GAS2: variants seen among roughly 807,000 people sequenced by gnomAD.
GAS2 encodes growth arrest-specific protein 2.
Under a neutral mutation model 37.5 loss-of-function variants are expected in GAS2, and 20 were observed. The observed-to-expected ratio is 0.53, with a 90% CI of 0.37 to 0.77. The LOEUF (loss-of-function observed/expected upper bound fraction) is 0.77. Among genes scored for constraint, GAS2 ranks in the 30% least tolerant of loss-of-function variants. The pLI is 0.00. For missense variants in GAS2, 336 were observed against 373.4 expected, an observed-to-expected ratio of 0.90 and a Z score of 0.82; for synonymous variants, 144 against 132.2, an observed-to-expected ratio of 1.09 and a Z score of -0.61.
At chr11:22,682,418 T>G (rs1049839662) in intron 2 of GAS2, among the ~76,000 whole-genome samples, 1 of 152,162 alleles carries the variant, frequency 6.6e-6, no homozygotes, top group African/African-American at 2.4e-5. Flanking sequence ...CATAAAGATC[T>G]ATTACAAACG....
intron 7 of GAS2, among the ~76,000 whole-genome samples, chr11:22,789,392 G>A (rs1191569531): frequency 4.4e-5 from 1 of 22,974 alleles, no homozygotes; most frequent in South Asian, 2.9e-3. Context: ...ACATATATAT[G>A]TGTGTGTGTG....
At chr11:22,787,938 A>AT (rs751376446) in intron 7 of GAS2, among the ~76,000 whole-genome samples, 1 of 152,132 alleles carries the variant, frequency 6.6e-6, no homozygotes, top group Non-Finnish European at 1.5e-5. Flanking sequence ...AAAGTATGTA[A>AT]TTTTGAATAG....
intron 4 of GAS2, among the ~76,000 whole-genome samples, chr11:22,736,030 A>G (rs1852738048): frequency 1.3e-5 from 2 of 150,730 alleles, no homozygotes; most frequent in African/African-American, 4.8e-5. Context: ...TCTGAATCAG[A>G]AAAAAATTGA....
intron 3 of GAS2, among the ~76,000 whole-genome samples, chr11:22,705,664 T>C (rs527961878): frequency 6.6e-6 from 1 of 152,314 alleles, no homozygotes; most frequent in East Asian, 1.9e-4. Flanking sequence ...AAACATTCAA[T>C]TGATTATTCA....
Position 22,755,939 on chromosome 11 carries a change from A to G in GAS2, c.709A>G (p.Ile237Val). The change falls in exon 7 of 8, where the codon ATC (isoleucine) becomes GTC (valine). Residue 237 changes from isoleucine to valine, a missense_variant. Ile to Val is a conservative substitution (Grantham distance 29). Coordinates refer to ENST00000454584, the MANE Select transcript of GAS2 (RefSeq NM_001143830.3). ...SQGRYRVGEKILFIRMLHNKH... is the reference protein window; with the variant it reads ...SQGRYRVGEKVLFIRMLHNKH... ...AGGAAGATACCGAGTGGGAGAAAAG[A>G]TCCTCTTCATTAGGGTAAAGTTTTA... 6.2e-7 allele frequency: 1 copy of G among 1,609,200 alleles called. No homozygotes were observed. The highest frequency in any genetic ancestry group is 8.5e-7 in the Non-Finnish European group (1 of 1,176,086).
chr11:22,709,928 C>T (rs553160373), intron 3 of GAS2, among the ~76,000 whole-genome samples: 6 of 150,748 alleles, frequency 4.0e-5, no homozygotes, highest in African/African-American at 9.8e-5. Flanking sequence ...AACCAAACAC[C>T]GCATGTTCTC....
chr11:22,693,776 C>A (rs1850365591), intron 3 of GAS2, among the ~76,000 whole-genome samples: 2 of 152,216 alleles, frequency 1.3e-5, no homozygotes, highest in South Asian at 4.1e-4. Flanking sequence ...AGATCAGGTC[C>A]CTTTGGAGAT....
chr11:22,665,259 T>C (rs1476040748), upstream of GAS2, among the ~76,000 whole-genome samples: 1 of 152,166 alleles, frequency 6.6e-6, no homozygotes. Flanking sequence ...TTTGAACTCA[T>C]TACATATTTG....
chr11:22,786,429 T>C (rs1855821658), intron 7 of GAS2, among the ~76,000 whole-genome samples: 1 of 152,168 alleles, frequency 6.6e-6, no homozygotes, highest in Non-Finnish European at 1.5e-5. Flanking sequence ...AATCTACTTA[T>C]GTATGGATAG....
At chr11:22,677,885 G>A (rs1849503614) in intron 2 of GAS2, among the ~76,000 whole-genome samples, 1 of 152,114 alleles carries the variant, frequency 6.6e-6, no homozygotes, top group Admixed American at 6.6e-5. Context: ...CTGAGTTTTA[G>A]GAAATCCATC....
chr11:22,640,921 T>A (rs570696991), intron 1 of GAS2, among the ~76,000 whole-genome samples: 7 of 152,202 alleles, frequency 4.6e-5, no homozygotes, highest in Admixed American at 2.6e-4. Flanking sequence ...TAGTGTGTCC[T>A]AAATTTGTGT....
intron 1 of GAS2, among the ~76,000 whole-genome samples, chr11:22,652,603 G>A (rs190015630): frequency 2.6e-5 from 4 of 152,326 alleles, no homozygotes; most frequent in East Asian, 3.9e-4. Flanking sequence ...TCCGAGCCAG[G>A]TGGGGGATAT....
intron 7 of GAS2, among the ~76,000 whole-genome samples, chr11:22,807,006 G>A (rs1856932119): frequency 6.6e-6 from 1 of 152,148 alleles, no homozygotes; most frequent in South Asian, 2.1e-4. Flanking sequence ...AATCATGGAT[G>A]CTTACACCCT....
intron 7 of GAS2, among the ~76,000 whole-genome samples, chr11:22,769,665 C>T (rs562039881): frequency 6.6e-6 from 1 of 152,320 alleles, no homozygotes; most frequent in East Asian, 1.9e-4. Flanking sequence ...CATCCTGATG[C>T]TTAGTCAGAG....
At chr11:22,684,653 C>T (rs993687946) in intron 2 of GAS2, among the ~76,000 whole-genome samples, 1 of 152,206 alleles carries the variant, frequency 6.6e-6, no homozygotes, top group African/African-American at 2.4e-5. Flanking sequence ...CAGCCTCTGC[C>T]TCCCAGGCCC....
intron 5 of GAS2, among the ~76,000 whole-genome samples, chr11:22,742,524 A>G (rs568796921): frequency 1.3e-5 from 2 of 152,270 alleles, no homozygotes; most frequent in South Asian, 4.1e-4. Context: ...GAAGCCAGTG[A>G]ATCGTATTTA....
intron 6 of GAS2, 121 bp downstream of exon 6, chr11:22,749,382 T>C: frequency 2.2e-6 from 2 of 889,070 alleles, no homozygotes; most frequent in Non-Finnish European, 3.3e-6. Flanking sequence ...AAATGTATTT[T>C]AAGCCCATAT....
At chr11:22,799,091 C>T (rs1166126724) in intron 7 of GAS2, among the ~76,000 whole-genome samples, 1 of 152,024 alleles carries the variant, frequency 6.6e-6, no homozygotes, top group Admixed American at 6.6e-5. Flanking sequence ...CATATGATAT[C>T]CCAGGGGGCT....
chr11:22,634,733 C>T (rs1858798102), intron 1 of GAS2, among the ~76,000 whole-genome samples: 1 of 152,084 alleles, frequency 6.6e-6, no homozygotes, highest in Non-Finnish European at 1.5e-5. Context: ...AGTGATAGGA[C>T]CTGTTCTCTA....
Sources: gnomAD v4.1 joint callset for allele counts (sites outside exome capture counted in the v4.1 genomes callset) on GRCh38, gnomAD v4.1.1 for gene constraint, MANE v1.5 for transcripts, NCBI Gene and HGNC (gene_info 2026-07-23, HGNC 2026-07-21) for gene names.